CFAP263: variants seen among roughly 807,000 people sequenced by gnomAD.
CFAP263 encodes the protein cilia- and flagella-associated protein 263.
chr16:58,250,273 A>G, the CFAP263 span: 3 of 547,630 alleles, frequency 5.5e-6, no homozygotes, highest in South Asian at 2.2e-5. Flanking sequence ...CACTGAGCCA[A>G]CAAGCTGTTG....
At chr16:58,277,599 C>T in the CFAP263 span, among the ~76,000 whole-genome samples, 1 of 147,228 alleles carries the variant, frequency 6.8e-6, no homozygotes, top group Non-Finnish European at 1.5e-5. Context: ...GAGAATTGAA[C>T]AGATTTTTGT....
At chr16:58,266,395 ATATATATATATTTTT>A in the CFAP263 span, among the ~76,000 whole-genome samples, 69 of 36,418 alleles carry the variant, frequency 1.9e-3, no homozygotes, top group South Asian at 6.7e-3. Context: ...ATATATATAT[ATATATATATATTTTT>A]TTTTTTTTTT....
the CFAP263 span, among the ~76,000 whole-genome samples, chr16:58,272,770 CTT>C: frequency 2.8e-4 from 39 of 137,608 alleles, no homozygotes; most frequent in East Asian, 4.2e-4. Flanking sequence ...ATCTTAATGG[CTT>C]TTTTTTTTTT....
At chr16:58,279,619 G>A in the CFAP263 span, 1 of 1,296,262 alleles carries the variant, frequency 7.7e-7, no homozygotes, top group Non-Finnish European at 1.1e-6. Context: ...GCCACAATCA[G>A]TTTTCCCCAA....
At chr16:58,254,665 C>T in the CFAP263 span, among the ~76,000 whole-genome samples, 1 of 150,800 alleles carries the variant, frequency 6.6e-6, no homozygotes, top group East Asian at 2.0e-4. Context: ...AGTGCAGTGG[C>T]GTGATCTCAG....
chr16:58,274,147 C>A, the CFAP263 span, among the ~76,000 whole-genome samples: 1 of 152,248 alleles, frequency 6.6e-6, no homozygotes, highest in Non-Finnish European at 1.5e-5. Context: ...CAATTAAAGT[C>A]AGAACCCTTT....
the CFAP263 span, among the ~76,000 whole-genome samples, chr16:58,271,339 C>T: frequency 1.3e-5 from 2 of 152,176 alleles, no homozygotes; most frequent in Non-Finnish European, 2.9e-5. Context: ...AGCGAACCAA[C>T]ATATACCTCA....
chr16:58,265,333 A>G, the CFAP263 span, among the ~76,000 whole-genome samples: 6 of 152,224 alleles, frequency 3.9e-5, no homozygotes, highest in Non-Finnish European at 7.3e-5. Context: ...CCTTTGAAAG[A>G]ACAGAGTTTC....
the CFAP263 span, among the ~76,000 whole-genome samples, chr16:58,274,545 C>G: frequency 2.6e-5 from 4 of 152,184 alleles, no homozygotes; most frequent in Non-Finnish European, 5.9e-5. Context: ...CAATGCTGTT[C>G]TCATGATAGT....
At chr16:58,278,760 C>A in the CFAP263 span, 1 of 890,914 alleles carries the variant, frequency 1.1e-6, no homozygotes, top group Non-Finnish European at 1.7e-6. Context: ...GAAACCTCAG[C>A]AGTTGCTTTA....
chr16:58,277,411 G>T, the CFAP263 span, among the ~76,000 whole-genome samples: 1 of 152,174 alleles, frequency 6.6e-6, no homozygotes, highest in Non-Finnish European at 1.5e-5. Context: ...TTACAGGCGT[G>T]AGCCACTCTC....
chr16:58,268,304 T>C, the CFAP263 span, among the ~76,000 whole-genome samples: 1 of 152,162 alleles, frequency 6.6e-6, no homozygotes, highest in African/African-American at 2.4e-5. Flanking sequence ...CTAACTTAAA[T>C]GCACATAGGA....
chr16:58,282,157 C>T, the CFAP263 span: 1 of 152,034 alleles, frequency 6.6e-6, no homozygotes, highest in African/African-American at 2.4e-5. Context: ...TACAGGCGCC[C>T]ACCACCACAC....
chr16:58,261,813 A>G, the CFAP263 span, among the ~76,000 whole-genome samples: 1 of 152,114 alleles, frequency 6.6e-6, no homozygotes, highest in African/African-American at 2.4e-5. Flanking sequence ...AATGGCATAG[A>G]CCTGGCAGGG....
At chr16:58,273,959 G>A in the CFAP263 span, among the ~76,000 whole-genome samples, 3 of 152,120 alleles carry the variant, frequency 2.0e-5, no homozygotes, top group East Asian at 3.9e-4. Context: ...TTGCCCTGAC[G>A]ACCAGGGATA....
At chr16:58,275,608 A>G in the CFAP263 span, among the ~76,000 whole-genome samples, 1 of 152,210 alleles carries the variant, frequency 6.6e-6, no homozygotes, top group South Asian at 2.1e-4. Context: ...AGGCTGGAAG[A>G]TCAAAGAAAA....
the CFAP263 span, among the ~76,000 whole-genome samples, chr16:58,268,776 T>C: frequency 1.3e-5 from 2 of 152,230 alleles, no homozygotes; most frequent in East Asian, 1.9e-4. Flanking sequence ...TATTTTTTCC[T>C]TGTGTTGATA....
chr16:58,269,378 G>GAAAGA, the CFAP263 span, among the ~76,000 whole-genome samples: 2 of 149,228 alleles, frequency 1.3e-5, no homozygotes, highest in East Asian at 4.0e-4. Context: ...TTATTTATAA[G>GAAAGA]AAGAAAGGAA....
At chr16:58,262,308 A>G in the CFAP263 span, 2 of 1,356,722 alleles carry the variant, frequency 1.5e-6, no homozygotes, top group South Asian at 1.3e-5. Context: ...AGTCTTGTCA[A>G]GAGTTGCAAG....
Sources: allele counts gnomAD v4.1 joint callset (sites outside exome capture counted in the v4.1 genomes callset), GRCh38; gene constraint gnomAD v4.1.1; transcripts MANE v1.5; gene names NCBI Gene and HGNC (gene_info 2026-07-23, HGNC 2026-07-21).